CDH18: variants seen among roughly 807,000 people sequenced by gnomAD.
The protein encoded by CDH18 is cadherin 18, also known as cadherin-18.
Under a neutral mutation model 67.9 loss-of-function variants are expected in CDH18, and 31 were observed. That is an observed-to-expected ratio of 0.46 (90% CI 0.34 to 0.62). The LOEUF (loss-of-function observed/expected upper bound fraction) is 0.62. Ranked by LOEUF, CDH18 falls within the 20% of genes least tolerant of loss-of-function variation. CDH18 has a pLI of 0.01. For synonymous variants in CDH18, 362 were observed against 347.2 expected (o/e 1.04, Z -0.48); for missense variants, 890 against 975.5 (o/e 0.91, Z 1.17).
At chr5:19,492,423 A>C (rs1741618777) in intron 11 of CDH18, among the ~76,000 whole-genome samples, 1 of 152,148 alleles carries the variant, frequency 6.6e-6, no homozygotes, top group Admixed American at 6.5e-5. Context: ...TATATTCATA[A>C]ATTTAGTAAT....
intron 2 of CDH18, among the ~76,000 whole-genome samples, chr5:20,064,426 C>A (rs992071116): frequency 6.6e-6 from 1 of 152,050 alleles, no homozygotes; most frequent in Non-Finnish European, 1.5e-5. Flanking sequence ...TAATCAGGGG[C>A]TGTTTTGGAA....
At chr5:20,265,921 T>A (rs978592218) in intron 1 of CDH18, among the ~76,000 whole-genome samples, 33 of 152,180 alleles carry the variant, frequency 2.2e-4, no homozygotes, top group African/African-American at 8.0e-4. Flanking sequence ...ACCTCACAAA[T>A]GTGGGTGGAC....
intron 1 of CDH18, among the ~76,000 whole-genome samples, chr5:20,354,395 C>T (rs941813507): frequency 2.6e-5 from 4 of 152,244 alleles, no homozygotes; most frequent in South Asian, 2.1e-4. Flanking sequence ...ATTTTATGCT[C>T]TTACTTAATT....
At chr5:20,269,207 C>T (rs1236828367) in intron 1 of CDH18, among the ~76,000 whole-genome samples, 2 of 151,846 alleles carry the variant, frequency 1.3e-5, no homozygotes, top group Non-Finnish European at 2.9e-5. Context: ...ATCAGAAGGG[C>T]TGTTATTAAA....
chr5:19,574,600 A>C (rs11959639), intron 7 of CDH18, among the ~76,000 whole-genome samples: 18,523 of 151,550 alleles, frequency 0.12, 1,571 homozygotes, highest in African/African-American at 0.24. Context: ...GGTTTTACCC[A>C]AAAAAAATGG....
intron 2 of CDH18, among the ~76,000 whole-genome samples, chr5:20,252,720 G>A (rs909465328): frequency 1.3e-5 from 2 of 151,932 alleles, no homozygotes; most frequent in Non-Finnish European, 2.9e-5. Flanking sequence ...GGCGGATCAC[G>A]AGGCCAGGAG....
chr5:19,907,591 T>C (rs1310043935), intron 2 of CDH18, among the ~76,000 whole-genome samples: 1 of 152,020 alleles, frequency 6.6e-6, no homozygotes, highest in Non-Finnish European at 1.5e-5. Flanking sequence ...ATGTTTTGGA[T>C]TTTTGAATTA....
intron 2 of CDH18, among the ~76,000 whole-genome samples, chr5:20,067,550 C>T (rs967133439): frequency 6.6e-6 from 1 of 151,980 alleles, no homozygotes; most frequent in Non-Finnish European, 1.5e-5. Context: ...TCACTGCTAG[C>T]TCTCACCCAA....
intron 5 of CDH18, among the ~76,000 whole-genome samples, chr5:19,663,572 C>A (rs1226244915): frequency 6.6e-6 from 1 of 151,862 alleles, no homozygotes; most frequent in African/African-American, 2.4e-5. Flanking sequence ...GAGAGATAAT[C>A]TCTGAAGGAA....
intron 2 of CDH18, among the ~76,000 whole-genome samples, chr5:20,032,410 A>G (rs1739484058): frequency 6.6e-6 from 1 of 152,040 alleles, no homozygotes; most frequent in Non-Finnish European, 1.5e-5. Flanking sequence ...TTAAAGAAAA[A>G]ATAGAACATT....
In CDH18 at chr5:20,123,599, G is replaced by A. The variant is rs141550739; in HGVS notation, c.-517-131585C>T. ...AAACGTTCCATTAAAGAATTTACAGGTCGGCCCGGCGCGGTGGCTCACTCA... is the reference window on the plus strand; with the variant it reads ...AAACGTTCCATTAAAGAATTTACAGATCGGCCCGGCGCGGTGGCTCACTCA... On this transcript the variant is annotated intron_variant, in intron 2 of 14. Transcript: ENST00000507958. Among the ~76,000 whole-genome samples the A allele has an allele frequency of 7.9e-5, 12 of 152,196 alleles. No individual in the cohort carries two copies. The East Asian group carries it at 2.1e-3, about 27-fold the overall frequency.
intron 2 of CDH18, among the ~76,000 whole-genome samples, chr5:19,893,993 G>A (rs75633343): frequency 9.6e-4 from 146 of 152,070 alleles, no homozygotes; most frequent in East Asian, 4.3e-3. Flanking sequence ...TTGCATACCC[G>A]CTATCTTTTT....
chr5:20,502,264 G>A (rs1377007970), intron 1 of CDH18, among the ~76,000 whole-genome samples: 1 of 152,156 alleles, frequency 6.6e-6, no homozygotes, highest in Non-Finnish European at 1.5e-5. Flanking sequence ...CAATAAGATT[G>A]ATGCTATAGA....
intron 2 of CDH18, among the ~76,000 whole-genome samples, chr5:20,157,696 G>A (rs7701767): frequency 0.098 from 14,706 of 150,436 alleles, 1,323 homozygotes; most frequent in African/African-American, 0.24. Context: ...AGGCTGGAGT[G>A]CAATGGCATG....
intron 3 of CDH18, among the ~76,000 whole-genome samples, chr5:19,764,991 A>G (rs1772882906): frequency 6.6e-6 from 1 of 152,142 alleles, no homozygotes; most frequent in South Asian, 2.1e-4. Flanking sequence ...TATTTTTTCA[A>G]ATGACTGCTT....
chr5:19,995,368 G>A (rs1735923868), intron 2 of CDH18, among the ~76,000 whole-genome samples: 1 of 151,936 alleles, frequency 6.6e-6, no homozygotes. Flanking sequence ...TTGCATATCT[G>A]TTTCTTAATT....
chr5:20,042,818 C>T (rs988671529), intron 2 of CDH18, among the ~76,000 whole-genome samples: 6 of 151,884 alleles, frequency 4.0e-5, no homozygotes, highest in Admixed American at 2.6e-4. Flanking sequence ...AAAAATTAGC[C>T]GGGCGTGCTG....
chr5:19,848,084 G>A (rs1783203986), intron 2 of CDH18: 1 of 152,134 alleles, frequency 6.6e-6, no homozygotes, highest in South Asian at 2.1e-4. Context: ...TGAGGCAGAG[G>A]CCACTGAGTT....
intron 1 of CDH18, among the ~76,000 whole-genome samples, chr5:20,414,784 T>C (rs964586997): frequency 3.9e-5 from 6 of 152,142 alleles, no homozygotes; most frequent in Admixed American, 1.3e-4. Flanking sequence ...GTTTCATACC[T>C]GTGAGAATGG....
Sources: allele counts gnomAD v4.1 joint callset (sites outside exome capture counted in the v4.1 genomes callset), GRCh38; gene constraint gnomAD v4.1.1; transcripts MANE v1.5; gene names NCBI Gene and HGNC (gene_info 2026-07-23, HGNC 2026-07-21).